CDCA2: variants seen among roughly 807,000 people sequenced by gnomAD.
CDCA2 encodes cell division cycle associated 2.
In CDCA2, 44 loss-of-function variants were observed where a neutral mutation model predicts 67.0. The ratio of observed to expected loss-of-function variants is 0.66; its 90% CI spans 0.52 to 0.84. CDCA2 has a LOEUF of 0.84. Ranked by LOEUF, CDCA2 falls within the 40% of genes least tolerant of loss-of-function variation. CDCA2 has a pLI of 0.00. For missense variants in CDCA2, 1,253 were observed against 1,203.2 expected, an observed-to-expected ratio of 1.04 and a Z score of -0.61; for synonymous variants, 447 against 418.7, an observed-to-expected ratio of 1.07 and a Z score of -0.82.
chr8:25,493,277 A>G (rs922071637), intron 13 of CDCA2, among the ~76,000 whole-genome samples: 2 of 152,218 alleles, frequency 1.3e-5, no homozygotes, highest in Admixed American at 1.3e-4. Flanking sequence ...ATGTTGACAG[A>G]TAACTAAAAT....
intron 6 of CDCA2, among the ~76,000 whole-genome samples, chr8:25,469,193 C>T (rs762136813): frequency 7.9e-5 from 12 of 152,338 alleles, no homozygotes; most frequent in Non-Finnish European, 1.3e-4. Flanking sequence ...TCTGCACTTT[C>T]TCTGTCACTT....
Position 25,480,052 on chromosome 8 carries a change from C to A in CDCA2, c.960C>A (p.Pro320=). ...PATPACRRDL[P]TPKTFVLRSV... is the part of the protein sequence containing the mutation. ...CTCCAGCCTGCAGGAGGGACCTTCC[C>A]ACCCCCAAGACCTTTGTACTTCGTT... Residue 320 remains proline (P), a synonymous_variant, in exon 8 of 15, where the codon CCC becomes CCA. Coordinates refer to ENST00000330560, the MANE Select transcript of CDCA2 (RefSeq NM_152562.4). 1.2e-6 allele frequency: 2 copies of A among 1,614,180 alleles called. No individual in the cohort carries two copies. Among genetic ancestry groups the A allele is most frequent in the South Asian group, 1.1e-5 (1 of 91,082 alleles).
chr8:25,472,957 C>T (rs1395916067), intron 7 of CDCA2, among the ~76,000 whole-genome samples: 2 of 152,090 alleles, frequency 1.3e-5, no homozygotes, highest in Non-Finnish European at 2.9e-5. Context: ...AAAACTGATT[C>T]CACTTATCTA....
At chr8:25,485,924 TA>T (rs1198621536) in intron 11 of CDCA2, 87 bp downstream of exon 11, 3 of 722,718 alleles carry the variant, frequency 4.2e-6, no homozygotes, top group Non-Finnish European at 6.6e-6. Context: ...AAAAATTTCA[TA>T]TTTGTTACCA....
chr8:25,489,332 A>G (rs1431727059), intron 13 of CDCA2, among the ~76,000 whole-genome samples: 1 of 152,000 alleles, frequency 6.6e-6, no homozygotes, highest in African/African-American at 2.4e-5. Context: ...CATCCAGCCT[A>G]TTCACTCTCT....
rs137854918 is a variant in CDCA2, at chr8:25,498,780, C to G, written c.1672-4593C>G. Reference sequence around the variant, plus strand: ...TCTTTCTTCATTCCTACAGTTTTGTCATTTCGAAAAGGTTACCCAAATGGA... The same window carrying G: ...TCTTTCTTCATTCCTACAGTTTTGTGATTTCGAAAAGGTTACCCAAATGGA... On this transcript the variant is annotated intron_variant, in intron 13 of 14. Coordinates refer to ENST00000330560, the MANE Select transcript of CDCA2 (RefSeq NM_152562.4). 1.4e-3 allele frequency among the ~76,000 whole-genome samples: 220 copies of G among 152,202 alleles called. 1 individual carries two copies. Among genetic ancestry groups the G allele is most frequent in the Middle Eastern group, 3.4e-3 (1 of 294 alleles).
At chr8:25,497,198 C>CA (rs1480526517) in intron 13 of CDCA2, among the ~76,000 whole-genome samples, 1 of 151,802 alleles carries the variant, frequency 6.6e-6, no homozygotes, top group Non-Finnish European at 1.5e-5. Flanking sequence ...GGGGGTTCCT[C>CA]AAAAAATTAA....
Position 25,507,036 on chromosome 8 carries a change from T to C in CDCA2, c.2370T>C (p.Cys790=), listed in dbSNP as rs377053240. 6.2e-7 allele frequency: 1 copy of C among 1,613,896 alleles called. No individual in the cohort carries two copies. The highest frequency in any genetic ancestry group is 1.3e-5 in the African/African-American group (1 of 74,900). The stretch of plus-strand genomic sequence containing the variant: ...TAATGCCTAATTCACAAAAAGACTG[T>C]CATTGTTTAGGAGATGTCTTAATTG... ...NRLMPNSQKD[C]HCLGDVLIEN... Residue 790 remains cysteine, a synonymous_variant, in exon 15 of 15, where the codon TGT becomes TGC. Coordinates refer to ENST00000330560, the MANE Select transcript of CDCA2 (RefSeq NM_152562.4).
Position 25,462,032 on chromosome 8 carries a change from T to C in CDCA2, c.233-22T>C, listed in dbSNP as rs779273138. On this transcript the variant is annotated intron_variant, in intron 3 of 14. Coordinates refer to ENST00000330560, the MANE Select transcript of CDCA2 (RefSeq NM_152562.4). Reference sequence around the variant, plus strand: ...GATGATTGCCTTGTTTTGTTCCAATTTATAAGAGAGTTTCATTACAGGAAA... The same window carrying C: ...GATGATTGCCTTGTTTTGTTCCAATCTATAAGAGAGTTTCATTACAGGAAA... The C allele has an allele frequency of 5.0e-6, 8 of 1,608,208 alleles. No individual in the cohort carries two copies. In the East Asian group the frequency reaches 1.1e-4, roughly 22 times the overall value.
At chr8:25,467,016 T>G (rs1802926902) in intron 5 of CDCA2, among the ~76,000 whole-genome samples, 1 of 108,486 alleles carries the variant, frequency 9.2e-6, no homozygotes, top group South Asian at 3.3e-4. Flanking sequence ...CACTCCAGCC[T>G]GGGCGAAGAA....
intron 10 of CDCA2, among the ~76,000 whole-genome samples, chr8:25,484,814 T>C (rs962104551): frequency 2.6e-5 from 4 of 152,116 alleles, no homozygotes; most frequent in Admixed American, 2.6e-4. Flanking sequence ...TTGAGCAAGT[T>C]AAAATACTAA....
At chr8:25,464,430 T>C (rs966469475) in intron 4 of CDCA2, among the ~76,000 whole-genome samples, 1 of 152,090 alleles carries the variant, frequency 6.6e-6, no homozygotes, top group Non-Finnish European at 1.5e-5. Context: ...AAAAATAAAG[T>C]AATTTTCCCT....
chr8:25,468,716 G>A (rs942697275), intron 6 of CDCA2, among the ~76,000 whole-genome samples: 1 of 152,180 alleles, frequency 6.6e-6, no homozygotes, highest in African/African-American at 2.4e-5. Flanking sequence ...AGAGGGTGAT[G>A]CTCCAAGAAG....
Position 25,507,451 on chromosome 8 carries a change from A to C in CDCA2, c.2785A>C (p.Ser929Arg). The C allele has an allele frequency of 6.2e-7, 1 of 1,614,122 alleles. No individual in the cohort carries two copies. Among genetic ancestry groups the C allele is most frequent in the Non-Finnish European group, 8.5e-7 (1 of 1,180,012 alleles). ...AAGAAGAACAATATGTACATTTGACAGCAGTGGATTTGAAAGTATGTCTCC... is the reference window on the plus strand; with the variant it reads ...AAGAAGAACAATATGTACATTTGACCGCAGTGGATTTGAAAGTATGTCTCC... The part of the protein sequence containing the change: ...AKRRTICTFD[S>R]SGFESMSPIK... The change falls in exon 15 of 15, where the codon AGC (serine) becomes CGC (arginine). Residue 929 changes from serine (S) to arginine (R), a missense_variant. Physicochemically the swap from Ser to Arg is moderately radical, Grantham distance 110 (BLOSUM62 -1). Transcript: ENST00000330560.
In CDCA2 at chr8:25,507,410, C is replaced by T; in HGVS notation, c.2744C>T (p.Thr915Ile). 6.2e-7 allele frequency: 1 copy of T among 1,614,000 alleles called. No individual in the cohort carries two copies. The highest frequency in any genetic ancestry group is 8.5e-7 in the Non-Finnish European group (1 of 1,180,002). ...TGGATTTCACTTCCACTTCCTTCCA[C>T]TTCCCAAAAAGCCAAAAGAAGAACA... The part of the protein sequence containing the change: ...LVWISLPLPS[T>I]SQKAKRRTIC... The change falls in exon 15 of 15, where the codon ACT becomes ATT. Residue 915 changes from threonine (T) to isoleucine (I), a missense_variant. Physicochemically the swap from Thr to Ile is moderately conservative, Grantham distance 89. Coordinates refer to ENST00000330560, the MANE Select transcript of CDCA2 (RefSeq NM_152562.4).
rs1309677444 is a variant in CDCA2 at position 25,506,687 on chromosome 8, C to T, written c.2021C>T (p.Ser674Phe). 6.2e-7 allele frequency: 1 copy of T among 1,611,816 alleles called. No individual in the cohort carries two copies. Among genetic ancestry groups the T allele is most frequent in the Non-Finnish European group, 8.5e-7 (1 of 1,179,456 alleles). ...KSSSSLGNAT[S>F]DEDPNTNIMN... ...TCCTCATCGCTTGGCAATGCTACTT[C>T]TGATGAAGATCCAAATACAAATATA... The change falls in exon 15 of 15, where the codon TCT becomes TTT. Residue 674 changes from serine to phenylalanine, a missense_variant. Physicochemically the swap from Ser to Phe is radical, Grantham distance 155 (BLOSUM62 -2). Coordinates refer to ENST00000330560, the MANE Select transcript of CDCA2 (RefSeq NM_152562.4).
chr8:25,477,331 T>G (rs1803389508), intron 7 of CDCA2, among the ~76,000 whole-genome samples: 1 of 152,224 alleles, frequency 6.6e-6, no homozygotes, highest in Admixed American at 6.5e-5. Context: ...TGTATTTTCT[T>G]TGCTCCTCTT....
At chr8:25,489,609 C>A (rs1218467129) in intron 13 of CDCA2, among the ~76,000 whole-genome samples, 1 of 152,202 alleles carries the variant, frequency 6.6e-6, no homozygotes, top group East Asian at 1.9e-4. Context: ...TTCTTCTTCA[C>A]CACTTTGCCG....
At position 25,503,499 on chromosome 8, in the gene CDCA2, C is replaced by A. The variant is rs1412330025; in HGVS notation, c.1798C>A (p.Pro600Thr). The A allele has an allele frequency of 1.2e-6, 2 of 1,613,956 alleles. No individual in the cohort carries two copies. Among genetic ancestry groups the A allele is most frequent in the Non-Finnish European group, 1.7e-6 (2 of 1,179,962 alleles). ...LSPIPELPEV[P>T]EMTPSIPSIR... is the part of the protein sequence containing the mutation. ...TCCTATTCCCGAGCTGCCTGAAGTC[C>A]CTGAGATGACACCTTCCATTCCGAG... Residue 600 changes from proline to threonine, a missense_variant, in exon 14 of 15, where the codon CCT (proline) becomes ACT (threonine). Physicochemically the swap from Pro to Thr is conservative, Grantham distance 38 (BLOSUM62 -1). Coordinates refer to ENST00000330560, the MANE Select transcript of CDCA2 (RefSeq NM_152562.4).
Sources: allele counts gnomAD v4.1 joint callset (sites outside exome capture counted in the v4.1 genomes callset), GRCh38; gene constraint gnomAD v4.1.1; transcripts MANE v1.5; gene names NCBI Gene and HGNC (gene_info 2026-07-23, HGNC 2026-07-21).